The following BRAF variants were observed in gnomAD, a reference collection of about 807,000 sequenced individuals.
BRAF encodes the protein serine/threonine-protein kinase B-raf.
In BRAF, 16 loss-of-function variants were observed where a neutral mutation model predicts 104.6. That is an observed-to-expected ratio of 0.15 (90% CI 0.10 to 0.23). The LOEUF is 0.23. BRAF is among the 10% of genes least tolerant of loss of function. The pLI is 1.00. For synonymous variants in BRAF, 310 were observed against 341.6 expected (o/e 0.91, Z 1.02); for missense variants, 541 against 937.3 (o/e 0.58, Z 5.52).
chr7:140,718,763 T>C (rs951983284), downstream of BRAF, among the ~76,000 whole-genome samples: 2 of 152,204 alleles, frequency 1.3e-5, no homozygotes, highest in African/African-American at 2.4e-5. Flanking sequence ...GAAGATACTC[T>C]AGGAGTTTTT....
intron 17 of BRAF, among the ~76,000 whole-genome samples, chr7:140,747,013 C>T (rs550438103): frequency 1.3e-5 from 2 of 152,182 alleles, no homozygotes; most frequent in South Asian, 2.1e-4. Context: ...ATGGTATTCA[C>T]ATTGCATAGT....
At chr7:140,911,456 A>G (rs1220178683) in intron 1 of BRAF, among the ~76,000 whole-genome samples, 1 of 152,252 alleles carries the variant, frequency 6.6e-6, no homozygotes, top group African/African-American at 2.4e-5. Flanking sequence ...AAAACCCCAC[A>G]ATACGATATA....
intron 16 of BRAF, among the ~76,000 whole-genome samples, chr7:140,752,941 T>C (rs1326677107): frequency 1.3e-5 from 2 of 152,188 alleles, no homozygotes; most frequent in Non-Finnish European, 2.9e-5. Flanking sequence ...GAAACACTGT[T>C]TATAAGACAT....
chr7:140,739,667 A>G, intron 18 of BRAF, 145 bp downstream of exon 17: 6 of 913,694 alleles, frequency 6.6e-6, no homozygotes, highest in South Asian at 4.7e-5. Context: ...AACCCTCATG[A>G]AGCCATCTTA....
At position 140,764,358 on chromosome 7, in the gene BRAF, A is replaced by G. The variant is rs553262030; in HGVS notation, c.1815-10125T>C. Reference sequence around the variant, plus strand: ...CCAATATCATACTGAATGGGCAAAAACTGGAAGCATTCCCTTTGAAAACTG... The same window carrying G: ...CCAATATCATACTGAATGGGCAAAAGCTGGAAGCATTCCCTTTGAAAACTG... On this transcript the variant is annotated intron_variant, in intron 14 of 19. Transcript: ENST00000644969. Among the ~76,000 whole-genome samples the G allele has an allele frequency of 8.5e-3, 1,281 of 150,948 alleles. 22 individuals are homozygous for G. Among genetic ancestry groups the G allele is most frequent in the African/African-American group, 0.029 (1,203 of 40,846 alleles).
At position 140,724,987 on chromosome 7, in the gene BRAF, GTTCT is replaced by G. The variant is rs1243763032; in HGVS notation, c.*1503_*1506del. 11 of 1,045,052 alleles carry G rather than the reference GTTCT, an allele frequency of 1.1e-5. No individual in the cohort carries two copies. Among genetic ancestry groups the G allele is most frequent in the Non-Finnish European group, 1.3e-5 (11 of 866,638 alleles). 64.7% of individuals were successfully genotyped at this position (1,045,052 alleles called of 1,614,324 possible). On this transcript the variant is annotated 3_prime_UTR_variant, in exon 20 of 20. Coordinates refer to ENST00000644969, the MANE Select transcript of BRAF (RefSeq NM_001374258.1). ...AGATTTAGGTTCTTAATGAATGCCA[GTTCT>G]TTCTATAAAAACAACTGATGACAGC...
intron 3 of BRAF, among the ~76,000 whole-genome samples, chr7:140,826,270 G>C (rs1161035734): frequency 6.6e-6 from 1 of 152,116 alleles, no homozygotes; most frequent in African/African-American, 2.4e-5. Flanking sequence ...CCTCAAATGA[G>C]TATCAGTATG....
intron 1 of BRAF, among the ~76,000 whole-genome samples, chr7:140,916,525 T>A (rs1350238427): frequency 1.3e-5 from 2 of 152,254 alleles, no homozygotes; most frequent in African/African-American, 4.8e-5. Flanking sequence ...TCGGTGACTT[T>A]TTTTGGTGAA....
At chr7:140,850,513 T>C (rs1809049839) in intron 1 of BRAF, among the ~76,000 whole-genome samples, 1 of 152,290 alleles carries the variant, frequency 6.6e-6, no homozygotes, top group African/African-American at 2.4e-5. Flanking sequence ...AAAGGTTAAG[T>C]TCTGTTTATG....
At chr7:140,734,337 A>G in intron 19 of BRAF, 3 of 1,311,612 alleles carry the variant, frequency 2.3e-6, no homozygotes, top group Non-Finnish European at 2.9e-6. Context: ...CAAACCCGGA[A>G]CAGAAAGTAA....
chr7:140,854,921 G>C, intron 1 of BRAF, among the ~76,000 whole-genome samples: 1 of 152,050 alleles, frequency 6.6e-6, no homozygotes. Context: ...CTCCAGCCTG[G>C]GTGACAAGAG....
At chr7:140,905,996 G>C (rs1243358897) in intron 1 of BRAF, among the ~76,000 whole-genome samples, 1 of 141,502 alleles carries the variant, frequency 7.1e-6, no homozygotes, top group Non-Finnish European at 1.5e-5. Context: ...GCTGAGGCAG[G>C]AGAATGGCGT....
chr7:140,797,888 C>T (rs1032268755), intron 7 of BRAF, among the ~76,000 whole-genome samples: 4 of 152,108 alleles, frequency 2.6e-5, no homozygotes, highest in African/African-American at 9.7e-5. Flanking sequence ...AAAAAAAACA[C>T]AGCTGCACAC....
At chr7:140,818,981 G>A (rs902225945) in intron 3 of BRAF, among the ~76,000 whole-genome samples, 4 of 152,184 alleles carry the variant, frequency 2.6e-5, no homozygotes, top group Non-Finnish European at 5.9e-5. Context: ...CCTATCTTCA[G>A]TATTTCCCTT....
At chr7:140,809,075 T>G in intron 3 of BRAF, 80 bp from the exon 4 acceptor site, 1 of 1,193,880 alleles carries the variant, frequency 8.4e-7, no homozygotes, top group Non-Finnish European at 1.2e-6. Context: ...ATTTAGTAAT[T>G]CATCTTTAAA....
At chr7:140,823,795 A>C (rs1376894284) in intron 3 of BRAF, 1 of 152,206 alleles carries the variant, frequency 6.6e-6, no homozygotes, top group Non-Finnish European at 1.5e-5. Flanking sequence ...ACAGGGGTCC[A>C]ATTTCTCCAC....
intron 8 of BRAF, 41 bp downstream of exon 8, chr7:140,794,267 T>C (rs758875131): frequency 6.2e-7 from 1 of 1,604,368 alleles, no homozygotes; most frequent in South Asian, 1.1e-5. Context: ...TAAAGATACA[T>C]ACTTGGTTTT....
At chr7:140,842,552 A>G (rs928090194) in intron 2 of BRAF, among the ~76,000 whole-genome samples, 12 of 152,184 alleles carry the variant, frequency 7.9e-5, no homozygotes, top group African/African-American at 2.9e-4. Context: ...AAGTACAGAA[A>G]GAAGAATCTA....
chr7:140,834,568 T>C (rs757013063), intron 3 of BRAF, 41 bp downstream of exon 3: 6 of 1,610,878 alleles, frequency 3.7e-6, no homozygotes, highest in African/African-American at 1.3e-5. Context: ...GTCTGAAAAA[T>C]ACAAAGAAAC....
Sources: gnomAD v4.1 joint callset for allele counts (sites outside exome capture counted in the v4.1 genomes callset) on GRCh38, gnomAD v4.1.1 for gene constraint, MANE v1.5 for transcripts, NCBI Gene and HGNC (gene_info 2026-07-23, HGNC 2026-07-21) for gene names.